The following RYR2 variants were observed in gnomAD, a reference collection of about 807,000 sequenced individuals.
RYR2 encodes the protein cardiac muscle ryanodine receptor-calcium release channel.
In RYR2, 227 loss-of-function variants were observed where a neutral mutation model predicts 601.1. The ratio of observed to expected loss-of-function variants is 0.38; its 90% CI spans 0.34 to 0.42. RYR2 has a LOEUF of 0.42. Among genes scored for constraint, RYR2 ranks in the 10% least tolerant of loss-of-function variants. The pLI, the probability that RYR2 is intolerant of heterozygous loss-of-function variation, is 1.00. For missense variants in RYR2, 4,646 were observed against 6,156.5 expected, an observed-to-expected ratio of 0.75 and a Z score of 8.21; for synonymous variants, 2,223 against 2,175.1, an observed-to-expected ratio of 1.02 and a Z score of -0.61.
At chr1:237,347,750 G>A (rs1024404426) in intron 3 of RYR2, among the ~76,000 whole-genome samples, 35 of 151,130 alleles carry the variant, frequency 2.3e-4, no homozygotes, top group South Asian at 1.5e-3. Context: ...TCCAGCTGTG[G>A]GAAAAACAAA....
Position 237,660,896 on chromosome 1 carries a change from A to T in RYR2, c.8385A>T (p.Gly2795=). 1 of 1,535,058 alleles carries T rather than the reference A, an allele frequency of 6.5e-7. No individual in the cohort carries two copies. Among genetic ancestry groups the T allele is most frequent in the Non-Finnish European group, 8.8e-7 (1 of 1,137,478 alleles). ...GGAGAATTGAAAGAACTCGGGAGGG[A>T]GACAGCATGGCCCTTTACAACCGGA... ...WGWRIERTRE[G]DSMALYNRTR... Residue 2795 remains glycine (G), a synonymous_variant, in exon 56 of 105, where the codon GGA becomes GGT. Transcript: ENST00000366574.
intron 1 of RYR2, among the ~76,000 whole-genome samples, chr1:237,228,613 T>G (rs536960453): frequency 6.6e-6 from 1 of 152,200 alleles, no homozygotes; most frequent in Non-Finnish European, 1.5e-5. Context: ...ATAAACAACA[T>G]AGCATGCTGA....
At chr1:237,732,210 G>A (rs1690753183) in intron 78 of RYR2, 61 bp downstream of exon 78, 1 of 969,338 alleles carries the variant, frequency 1.0e-6, no homozygotes, top group Non-Finnish European at 1.6e-6. Flanking sequence ...CCGTGTCTGA[G>A]TATTCTGTGC....
intron 1 of RYR2, among the ~76,000 whole-genome samples, chr1:237,068,251 G>A (rs1182498630): frequency 3.3e-5 from 5 of 152,060 alleles, no homozygotes; most frequent in South Asian, 2.1e-4. Flanking sequence ...ATGCAGAGAC[G>A]AGGACATTGG....
chr1:237,156,094 C>T (rs80017602), intron 1 of RYR2, among the ~76,000 whole-genome samples: 2 of 152,174 alleles, frequency 1.3e-5, no homozygotes, highest in East Asian at 1.9e-4. Context: ...GTCCTTCAAT[C>T]GTGGCTTGGG....
chr1:237,105,514 T>A (rs1394338515), intron 1 of RYR2, among the ~76,000 whole-genome samples: 1 of 152,020 alleles, frequency 6.6e-6, no homozygotes, highest in East Asian at 1.9e-4. Context: ...CTGGCCAACA[T>A]GGTGAAAACC....
intron 1 of RYR2, among the ~76,000 whole-genome samples, chr1:237,058,106 G>T (rs548557176): frequency 6.6e-6 from 1 of 152,080 alleles, no homozygotes; most frequent in African/African-American, 2.4e-5. Context: ...TATTGCTGGC[G>T]GGTTTTTTCT....
intron 20 of RYR2, among the ~76,000 whole-genome samples, chr1:237,498,493 A>G (rs775831648): frequency 2.6e-5 from 4 of 152,084 alleles, no homozygotes; most frequent in Non-Finnish European, 4.4e-5. Flanking sequence ...CCTAGCTCCT[A>G]GTATTGCTCT....
At chr1:237,719,281 C>T (rs575315009) in intron 73 of RYR2, among the ~76,000 whole-genome samples, 4 of 151,868 alleles carry the variant, frequency 2.6e-5, no homozygotes, top group East Asian at 1.9e-4. Flanking sequence ...TTACATGGAG[C>T]GATCAGTAAT....
chr1:237,397,091 C>A (rs1241492234), intron 10 of RYR2, among the ~76,000 whole-genome samples: 1 of 151,952 alleles, frequency 6.6e-6, no homozygotes, highest in Non-Finnish European at 1.5e-5. Context: ...ATGGCAAAAC[C>A]CTGTCTCCAT....
chr1:237,592,929 G>A (rs1188244149), intron 32 of RYR2, among the ~76,000 whole-genome samples: 5 of 150,980 alleles, frequency 3.3e-5, no homozygotes, highest in Non-Finnish European at 7.4e-5. Context: ...GCTGAGGCAG[G>A]AGAATCTCTT....
rs542702336 is a variant in RYR2 at position 237,424,014 on chromosome 1, C to T, written c.1005+766C>T. ...AGGAGAGTGAGTGTGAAGGAGAAAGCGTCAAACACTTAAAAAAACCATCAG... is the reference window on the plus strand; with the variant it reads ...AGGAGAGTGAGTGTGAAGGAGAAAGTGTCAAACACTTAAAAAAACCATCAG... On this transcript the variant is annotated intron_variant, in intron 12 of 104. Transcript: ENST00000366574. 2.0e-5 allele frequency among the ~76,000 whole-genome samples: 3 copies of T among 152,040 alleles called. No individual in the cohort carries two copies. In the South Asian group the frequency reaches 6.2e-4, roughly 32 times the overall value.
intron 4 of RYR2, among the ~76,000 whole-genome samples, chr1:237,360,294 C>T (rs1393008103): frequency 1.3e-5 from 2 of 152,150 alleles, no homozygotes; most frequent in African/African-American, 2.4e-5. Context: ...TCCATTTGCC[C>T]TCTGTAGAAA....
chr1:237,784,349 G>T lies in RYR2; in HGVS notation c.12637G>T (p.Glu4213Ter). 1 of 1,613,908 alleles carries T rather than the reference G, an allele frequency of 6.2e-7. No individual in the cohort carries two copies. Among genetic ancestry groups the T allele is most frequent in the Non-Finnish European group, 8.5e-7 (1 of 1,179,870 alleles). ...TCAGATCTCGGAGTCGGACTTGAAC[G>T]AGAGGTCAGCGAATAAGGAAGAAAG... Reference protein sequence around the residue: ...AAQISESDLNERSANKEESEK... With the variant: ...AAQISESDLN The change falls in exon 90 of 105, where the codon GAG becomes TAG. Residue 4213 changes from glutamate (E) to a stop codon, truncating the protein, a stop_gained. Transcript: ENST00000366574. LOFTEE classifies it high-confidence loss of function. This position sits in a 1 kb window ranked among gnomAD's most constrained non-coding sequence, Gnocchi z 7.1.
rs1573005697 is a variant in RYR2, at chr1:237,591,860, G to A, written c.4275+7G>A. The A allele has an allele frequency of 1.2e-6, 2 of 1,605,094 alleles. No individual in the cohort carries two copies. Among genetic ancestry groups the A allele is most frequent in the Admixed American group, 3.4e-5 (2 of 59,258 alleles). On this transcript the variant is annotated splice_region_variant and intron_variant, in intron 32 of 104. Transcript: ENST00000366574. ...CTTGATGCAAACGTCCACGGTATGA[G>A]GTTGCAGCTTTTGTCGTTTATTTCT...
intron 12 of RYR2, among the ~76,000 whole-genome samples, chr1:237,431,211 T>C (rs1706771705): frequency 6.6e-6 from 1 of 152,212 alleles, no homozygotes; most frequent in Non-Finnish European, 1.5e-5. Context: ...ATTTTTAATT[T>C]TAGTATCACT....
rs1163526442 is a variant in RYR2, at chr1:237,417,123, C to T, written c.848C>T (p.Ala283Val). Residue 283 changes from alanine to valine, a missense_variant and splice_region_variant, in exon 11 of 105, where the codon GCG becomes GTG. Physicochemically the swap from Ala to Val is moderately conservative, Grantham distance 64. Transcript: ENST00000366574. ...TGGAGACTAGAGACGCTAAGAGTTG[C>T]GTAAGTAGAACTTCTAAACACAGCC... ...SLWRLETLRV[A>V]WSGSHIRWGQ... is the part of the protein sequence containing the mutation. 7.4e-6 allele frequency: 12 copies of T among 1,611,672 alleles called. No homozygotes were observed. The highest frequency in any genetic ancestry group is 1.1e-5 in the South Asian group (1 of 91,014).
chr1:237,246,069 C>T (rs1014084853), intron 1 of RYR2, among the ~76,000 whole-genome samples: 19 of 151,752 alleles, frequency 1.3e-4, no homozygotes, highest in Non-Finnish European at 2.1e-4. Flanking sequence ...CGTGAGCCAC[C>T]ACACCTGGCT....
chr1:237,324,694 C>T (rs1695977836), intron 2 of RYR2, among the ~76,000 whole-genome samples: 1 of 152,188 alleles, frequency 6.6e-6, no homozygotes, highest in Admixed American at 6.5e-5. Context: ...GGAAGCTCAG[C>T]CCGACTCCCC....
Sources: gnomAD v4.1 joint callset for allele counts (sites outside exome capture counted in the v4.1 genomes callset) on GRCh38, gnomAD v4.1.1 for gene constraint, Gnocchi (gnomAD v3.1) non-coding constraint, MANE v1.5 for transcripts, NCBI Gene and HGNC (gene_info 2026-07-23, HGNC 2026-07-21) for gene names.